The following PRELID2 variants were observed in gnomAD, a reference collection of about 807,000 sequenced individuals.
PRELID2 encodes PRELI domain-containing protein 2.
In PRELID2, 25 loss-of-function variants were observed where a neutral mutation model predicts 28.4. That is an observed-to-expected ratio of 0.88 (90% CI 0.64 to 1.23). PRELID2 has a LOEUF of 1.23. Ranked by LOEUF, PRELID2 falls within the 50% of genes most tolerant of loss-of-function variation. The probability of loss-of-function intolerance (pLI) is 0.00; values close to 1 mark genes in which losing one functional copy is unlikely to be tolerated. For missense variants in PRELID2, 201 were observed against 214.4 expected (o/e 0.94, Z 0.39); for synonymous variants, 76 against 71.6 (o/e 1.06, Z -0.31).
At chr5:145,483,233 C>A (rs1374054844) in intron 1 of PRELID2, among the ~76,000 whole-genome samples, 1 of 152,148 alleles carries the variant, frequency 6.6e-6, no homozygotes, top group Non-Finnish European at 1.5e-5. Context: ...TGAATCTGGG[C>A]TGGCCCTGGG....
chr5:145,737,490 A>T (rs562272512), intron 1 of PRELID2, among the ~76,000 whole-genome samples: 4 of 152,278 alleles, frequency 2.6e-5, no homozygotes, highest in African/African-American at 9.6e-5. Context: ...AAGCTAGGAA[A>T]CTTGGGACCC....
At chr5:145,462,834 A>G in the PRELID2 span, among the ~76,000 whole-genome samples, 1 of 152,140 alleles carries the variant, frequency 6.6e-6, no homozygotes, top group Non-Finnish European at 1.5e-5. Flanking sequence ...CCTTAATCCT[A>G]GGTGAGGTGA....
the PRELID2 span, among the ~76,000 whole-genome samples, chr5:145,380,989 T>G: frequency 6.6e-6 from 1 of 152,192 alleles, no homozygotes; most frequent in South Asian, 2.1e-4. Context: ...ATAAAATAGG[T>G]GTTAAATGTT....
In PRELID2 at chr5:145,833,157, C is replaced by T. The variant is rs564655026; in HGVS notation, c.75+2020G>A. Among the ~76,000 whole-genome samples, 3 of 152,264 alleles carry T rather than the reference C, an allele frequency of 2.0e-5. No individual in the cohort carries two copies. The South Asian group carries it at 6.2e-4, about 32-fold the overall frequency. ...GCATTTACCAAAAGCTGACAATGCG[C>T]CAGGACCTCCGTAAATAAGAGTTTG... On this transcript the variant is annotated intron_variant, in intron 1 of 6. Transcript: ENST00000683046.
intron 4 of PRELID2, among the ~76,000 whole-genome samples, chr5:145,800,365 C>T (rs533903032): frequency 6.6e-6 from 1 of 150,858 alleles, no homozygotes; most frequent in Non-Finnish European, 1.5e-5. Flanking sequence ...GACATAAATA[C>T]CTTCCGTCTA....
the PRELID2 span, among the ~76,000 whole-genome samples, chr5:145,319,096 G>A: frequency 6.6e-6 from 1 of 152,230 alleles, no homozygotes; most frequent in South Asian, 2.1e-4. Context: ...GGTTTGGGGT[G>A]TATATGGGTA....
chr5:145,418,878 C>T, the PRELID2 span, among the ~76,000 whole-genome samples: 60,007 of 142,626 alleles, frequency 0.42, 13,098 homozygotes, highest in Admixed American at 0.5. Context: ...ATCCCTCCCC[C>T]CTACCCCCAC....
chr5:145,353,462 CA>C, the PRELID2 span, among the ~76,000 whole-genome samples: 20 of 141,418 alleles, frequency 1.4e-4, no homozygotes, highest in South Asian at 2.7e-3. Context: ...GAATCCATCT[CA>C]AAAAAAAAAG....
chr5:145,333,974 G>C, the PRELID2 span, among the ~76,000 whole-genome samples: 51 of 152,098 alleles, frequency 3.4e-4, 1 homozygote. Context: ...GTAGTATCCT[G>C]GCTGAAATGC....
chr5:145,729,655 T>A (rs2400197), intron 1 of PRELID2, among the ~76,000 whole-genome samples: 1 of 152,102 alleles, frequency 6.6e-6, no homozygotes, highest in Non-Finnish European at 1.5e-5. Context: ...CAGTCATCCT[T>A]GGGTGTCCGT....
At chr5:145,738,303 A>G (rs571327930) in intron 1 of PRELID2, among the ~76,000 whole-genome samples, 12 of 152,334 alleles carry the variant, frequency 7.9e-5, no homozygotes, top group African/African-American at 2.6e-4. Flanking sequence ...TATCACTCAT[A>G]TCAAGAACCA....
the PRELID2 span, among the ~76,000 whole-genome samples, chr5:145,419,929 A>C: frequency 6.6e-6 from 1 of 152,036 alleles, no homozygotes; most frequent in Non-Finnish European, 1.5e-5. Flanking sequence ...GAAGGGATCC[A>C]GTTTCAGCTT....
At chr5:145,331,892 T>C in the PRELID2 span, among the ~76,000 whole-genome samples, 1 of 152,234 alleles carries the variant, frequency 6.6e-6, no homozygotes, top group Admixed American at 6.5e-5. Flanking sequence ...TGGCATGTTT[T>C]TGCAGTGGCT....
chr5:145,770,578 T>G (rs1758040655), intron 5 of PRELID2, among the ~76,000 whole-genome samples: 1 of 152,160 alleles, frequency 6.6e-6, no homozygotes, highest in Non-Finnish European at 1.5e-5. Context: ...GGCATTGTTA[T>G]CACAGCAGAT....
the PRELID2 span, among the ~76,000 whole-genome samples, chr5:145,376,895 G>A: frequency 1.2e-4 from 18 of 151,734 alleles, no homozygotes; most frequent in Admixed American, 2.0e-4. Context: ...CTTTTAGTTC[G>A]TCTCTGATTT....
At chr5:145,600,444 T>TAC in intron 1 of PRELID2, among the ~76,000 whole-genome samples, 1 of 143,420 alleles carries the variant, frequency 7.0e-6, no homozygotes, top group African/African-American at 2.7e-5. Flanking sequence ...AATATATATA[T>TAC]ATATATATAT....
At chr5:145,381,154 T>A in the PRELID2 span, among the ~76,000 whole-genome samples, 1 of 152,196 alleles carries the variant, frequency 6.6e-6, no homozygotes, top group Non-Finnish European at 1.5e-5. Context: ...CAAAGTTAAA[T>A]AAATTCAACT....
intron 1 of PRELID2, among the ~76,000 whole-genome samples, chr5:145,737,248 G>A (rs967456230): frequency 6.6e-6 from 1 of 152,042 alleles, no homozygotes; most frequent in Non-Finnish European, 1.5e-5. Context: ...GGTGCTAGGC[G>A]GGAGTATAAC....
chr5:145,288,560 A>T, the PRELID2 span, among the ~76,000 whole-genome samples: 1 of 152,120 alleles, frequency 6.6e-6, no homozygotes, highest in Non-Finnish European at 1.5e-5. Context: ...TCATTTTATT[A>T]GAAAATGGTA....
Sources: gnomAD v4.1 joint callset for allele counts (sites outside exome capture counted in the v4.1 genomes callset) on GRCh38, gnomAD v4.1.1 for gene constraint, MANE v1.5 for transcripts, NCBI Gene and HGNC (gene_info 2026-07-23, HGNC 2026-07-21) for gene names.